The following DNM3 variants were observed in gnomAD, a reference collection of about 807,000 sequenced individuals.
The protein encoded by DNM3 is dynamin-3.
In DNM3, 47 loss-of-function variants were observed where a neutral mutation model predicts 101.6. The ratio of observed to expected loss-of-function variants is 0.46; its 90% CI spans 0.37 to 0.59. The LOEUF (loss-of-function observed/expected upper bound fraction) is 0.59. DNM3 is among the 20% of genes least tolerant of loss of function. DNM3 has a pLI of 0.00. For missense variants in DNM3, 849 were observed against 1,085.7 expected, an observed-to-expected ratio of 0.78 and a Z score of 3.06; for synonymous variants, 385 against 387.9, an observed-to-expected ratio of 0.99 and a Z score of 0.09.
rs1253104482 is a variant in DNM3 at position 172,253,618 on chromosome 1, C to A, written c.1705C>A (p.Arg569=). ...GCTTCCCTTGGACAACCTGAAAGTT[C>A]GGGATGTGGAAAAGAGCTTTATGTC... ...YMLPLDNLKV[R]DVEKSFMSSK... The change falls in exon 15 of 21, where the codon CGG becomes AGG. Residue 569 remains arginine (R), a synonymous_variant. Coordinates refer to ENST00000627582, the MANE Select transcript of DNM3 (RefSeq NM_015569.5). 1.9e-6 allele frequency: 3 copies of A among 1,592,550 alleles called. No individual in the cohort carries two copies. The highest frequency in any genetic ancestry group is 1.7e-6 in the Non-Finnish European group (2 of 1,169,088).
chr1:172,413,393 AT>A (rs936163186), downstream of DNM3, among the ~76,000 whole-genome samples: 1 of 151,792 alleles, frequency 6.6e-6, no homozygotes, highest in African/African-American at 2.4e-5. Flanking sequence ...CGCCCGGCTA[AT>A]TTTTTTTGTA....
intron 4 of DNM3, among the ~76,000 whole-genome samples, chr1:172,028,150 T>C (rs578007957): frequency 2.5e-4 from 38 of 152,264 alleles, no homozygotes; most frequent in African/African-American, 8.2e-4. Context: ...TACTCCAAAA[T>C]TGACCACATA....
intron 14 of DNM3, among the ~76,000 whole-genome samples, chr1:172,148,806 C>T (rs1467328285): frequency 6.6e-6 from 1 of 151,886 alleles, no homozygotes; most frequent in East Asian, 1.9e-4. Flanking sequence ...GCAATGCAGT[C>T]CCCTAATCTC....
At chr1:171,934,291 A>AT (rs1406234119) in intron 2 of DNM3, among the ~76,000 whole-genome samples, 2 of 152,320 alleles carry the variant, frequency 1.3e-5, no homozygotes, top group East Asian at 3.9e-4. Flanking sequence ...TTACCCTTAC[A>AT]TTTATAGATT....
intron 14 of DNM3, among the ~76,000 whole-genome samples, chr1:172,224,891 A>G (rs1431545037): frequency 6.6e-6 from 1 of 152,164 alleles, no homozygotes; most frequent in Non-Finnish European, 1.5e-5. Flanking sequence ...TCTAGCTTCC[A>G]TGGTGGCCCC....
chr1:172,122,527 C>G (rs974145117), intron 13 of DNM3, among the ~76,000 whole-genome samples: 3 of 152,194 alleles, frequency 2.0e-5, no homozygotes, highest in Non-Finnish European at 4.4e-5. Context: ...ACTATTAGCA[C>G]ACCCTGGCAA....
At chr1:172,235,326 T>G (rs888140328) in intron 14 of DNM3, among the ~76,000 whole-genome samples, 1 of 152,032 alleles carries the variant, frequency 6.6e-6, no homozygotes, top group Non-Finnish European at 1.5e-5. Flanking sequence ...AGAATGGCAA[T>G]CATTAAAAAG....
chr1:172,387,338 C>T lies in DNM3; in HGVS notation c.2264C>T (p.Ser755Phe), dbSNP rs764675383. The T allele has an allele frequency of 2.5e-6, 4 of 1,613,462 alleles. No homozygotes were observed. The highest frequency in any genetic ancestry group is 3.3e-5 in the Admixed American group (2 of 60,004). ...CCGGCACCCCCTCCAGTGGATGACT[C>T]CTGGATACAGCACTCTCGCAGGTAA... The part of the protein sequence containing the change: ...STPAPPPVDD[S>F]WIQHSRRSPP... The change falls in exon 19 of 21, where the codon TCC becomes TTC. Residue 755 changes from serine to phenylalanine, a missense_variant. Transcript: ENST00000627582.
intron 2 of DNM3, among the ~76,000 whole-genome samples, chr1:171,983,672 C>G (rs2045008230): frequency 6.6e-6 from 1 of 152,152 alleles, no homozygotes. Context: ...AAATATATAT[C>G]TCTCACTTGG....
At chr1:172,261,826 G>A (rs2148714366) in intron 15 of DNM3, among the ~76,000 whole-genome samples, 1 of 152,320 alleles carries the variant, frequency 6.6e-6, no homozygotes, top group South Asian at 2.1e-4. Flanking sequence ...CAGACCCTGG[G>A]AGAAGTGCTT....
At chr1:171,968,172 G>A (rs1231636188) in intron 2 of DNM3, among the ~76,000 whole-genome samples, 1 of 152,196 alleles carries the variant, frequency 6.6e-6, no homozygotes, top group Non-Finnish European at 1.5e-5. Flanking sequence ...ATGCTCTGTT[G>A]TGAGTTCAAA....
At chr1:171,984,117 A>G (rs2045049219) in intron 2 of DNM3, among the ~76,000 whole-genome samples, 1 of 152,196 alleles carries the variant, frequency 6.6e-6, no homozygotes, top group African/African-American at 2.4e-5. Context: ...TTAGAATTTA[A>G]CCACTCATCA....
At chr1:171,922,849 G>A (rs1389783654) in intron 2 of DNM3, among the ~76,000 whole-genome samples, 2 of 152,100 alleles carry the variant, frequency 1.3e-5, no homozygotes, top group Non-Finnish European at 2.9e-5. Context: ...TCTTTTCAAG[G>A]TTCATCCATG....
In DNM3 at chr1:172,236,491, A is replaced by AT. The variant is rs992300146; in HGVS notation, c.1660-17081dup. ...ATTGGTAGTTAAAAATAAGAAAAGAATCTGCGATTTATCATTGTATATAAT... is the reference window on the plus strand; with the variant it reads ...ATTGGTAGTTAAAAATAAGAAAAGAATTCTGCGATTTATCATTGTATATAAT... On this transcript the variant is annotated intron_variant, in intron 14 of 20. Transcript: ENST00000627582. Among the ~76,000 whole-genome samples, 6 of 152,256 alleles carry AT rather than the reference A, an allele frequency of 3.9e-5. 1 individual carries two copies. Among genetic ancestry groups the AT allele is most frequent in the African/African-American group, 1.4e-4 (6 of 41,562 alleles).
At chr1:171,876,787 T>G (rs972515616) in intron 1 of DNM3, among the ~76,000 whole-genome samples, 1 of 152,218 alleles carries the variant, frequency 6.6e-6, no homozygotes, top group African/African-American at 2.4e-5. Context: ...TTATTCGAAT[T>G]TTTTAGTGGT....
chr1:171,974,110 G>A (rs1390616180), intron 2 of DNM3, among the ~76,000 whole-genome samples: 1 of 152,106 alleles, frequency 6.6e-6, no homozygotes, highest in Admixed American at 6.6e-5. Context: ...AAACTCAAAG[G>A]TTGAGAGAGG....
chr1:172,382,693 CCAGA>C (rs576240244), intron 18 of DNM3, among the ~76,000 whole-genome samples: 71 of 152,218 alleles, frequency 4.7e-4, no homozygotes, highest in African/African-American at 1.7e-3. Flanking sequence ...AGTTATTTTC[CCAGA>C]CAGTTAATTT....
At chr1:172,046,684 G>A (rs1342702231) in intron 9 of DNM3, among the ~76,000 whole-genome samples, 1 of 152,010 alleles carries the variant, frequency 6.6e-6, no homozygotes, top group East Asian at 1.9e-4. Context: ...CAAATCTAAC[G>A]TTTTTTCTTT....
chr1:172,065,549 G>A (rs1165607083), intron 10 of DNM3, among the ~76,000 whole-genome samples: 2 of 152,214 alleles, frequency 1.3e-5, no homozygotes, highest in Non-Finnish European at 2.9e-5. Context: ...CTTTCAGAGA[G>A]TCAAGAGGGG....
Sources: gnomAD v4.1 joint callset for allele counts (sites outside exome capture counted in the v4.1 genomes callset) on GRCh38, gnomAD v4.1.1 for gene constraint, MANE v1.5 for transcripts, NCBI Gene and HGNC (gene_info 2026-07-23, HGNC 2026-07-21) for gene names.